ARID2: variants seen among roughly 807,000 people sequenced by gnomAD.
ARID2 encodes AT-rich interactive domain-containing protein 2.
Under a neutral mutation model 184.6 loss-of-function variants are expected in ARID2, and 32 were observed. The ratio of observed to expected loss-of-function variants is 0.17; its 90% confidence interval spans 0.13 to 0.23. The LOEUF (loss-of-function observed/expected upper bound fraction) is 0.23, where lower values mean the gene tolerates loss of function less well. Ranked by LOEUF, ARID2 falls within the 10% of genes least tolerant of loss-of-function variation. The probability of loss-of-function intolerance (pLI) is 1.00; values close to 1 mark genes in which losing one functional copy is unlikely to be tolerated. For synonymous variants in ARID2, 836 were observed against 772.6 expected (o/e 1.08, Z -1.36); for missense variants, 1,696 against 2,197.6 (o/e 0.77, Z 4.56).
In ARID2 at chr12:45,893,514, T is replaced by C. The variant is rs1944330807; in HGVS notation, c.5242T>C (p.Ser1748Pro). 6.2e-7 allele frequency: 1 copy of C among 1,613,842 alleles called. No homozygotes were observed. The highest frequency in any genetic ancestry group is 8.5e-7 in the Non-Finnish European group (1 of 1,179,852). Residue 1748 changes from serine to proline, a missense_variant, in exon 19 of 21, where the codon TCA becomes CCA. By Grantham distance (74) the Ser-to-Pro change is moderately conservative. Coordinates refer to ENST00000334344, the MANE Select transcript of ARID2 (RefSeq NM_152641.4). Reference protein sequence around the residue: ...SAALMALRRGSRNLVFRDFTD... With the variant: ...SAALMALRRGPRNLVFRDFTD... ...TGCACTTATGGCTCTGAGGAGAGGA[T>C]CAAGAAACCTTGTCTTTCGAGATTT...
chr12:45,805,776 A>G (rs1433912030), intron 3 of ARID2, among the ~76,000 whole-genome samples: 1 of 152,136 alleles, frequency 6.6e-6, no homozygotes, highest in Non-Finnish European at 1.5e-5. Context: ...TTGTGGTGAG[A>G]ACATCTAAGC....
At position 45,893,727 on chromosome 12, in the gene ARID2, T is replaced by C; in HGVS notation, c.5363+6T>C. Reference sequence around the variant, plus strand: ...TATTCAGAATGTGGTCGCAGGTGAGTAATATGTTTTCTGTAGCCAAAGTGA... The same window carrying C: ...TATTCAGAATGTGGTCGCAGGTGAGCAATATGTTTTCTGTAGCCAAAGTGA... On this transcript the variant is annotated splice_donor_region_variant and intron_variant, in intron 20 of 20. Coordinates refer to ENST00000334344, the MANE Select transcript of ARID2 (RefSeq NM_152641.4). 1 of 1,559,496 alleles carries C rather than the reference T, an allele frequency of 6.4e-7. No homozygotes were observed. The highest frequency in any genetic ancestry group is 2.3e-5 in the East Asian group (1 of 43,968).
intron 3 of ARID2, among the ~76,000 whole-genome samples, chr12:45,754,333 A>G (rs116881014): frequency 0.021 from 3,267 of 152,316 alleles, 52 homozygotes; most frequent in Non-Finnish European, 0.036. Flanking sequence ...TCCATTCTTA[A>G]TCTCCTTGCC....
chr12:45,880,615 GC>G (rs1394140510), intron 16 of ARID2, among the ~76,000 whole-genome samples: 1 of 152,160 alleles, frequency 6.6e-6, no homozygotes, highest in Non-Finnish European at 1.5e-5. Flanking sequence ...GATAATAATA[GC>G]ACTCATTTTA....
At chr12:45,821,863 A>G (rs1310013390) in intron 6 of ARID2, among the ~76,000 whole-genome samples, 1 of 152,170 alleles carries the variant, frequency 6.6e-6, no homozygotes, top group Non-Finnish European at 1.5e-5. Context: ...CCTCAAAAAG[A>G]ATAGGTGTAA....
chr12:45,893,881 T>A, intron 20 of ARID2, 160 bp downstream of exon 20: 1 of 523,592 alleles, frequency 1.9e-6, no homozygotes, highest in Non-Finnish European at 3.1e-6. Context: ...GATGAGCTCT[T>A]AAAAGTCAAA....
chr12:45,821,082 G>A (rs1942885906), intron 5 of ARID2, among the ~76,000 whole-genome samples: 1 of 152,014 alleles, frequency 6.6e-6, no homozygotes, highest in Non-Finnish European at 1.5e-5. Flanking sequence ...AAATTTAATA[G>A]CAATAACCTC....
At chr12:45,764,652 C>T (rs1161629639) in intron 3 of ARID2, among the ~76,000 whole-genome samples, 4 of 152,170 alleles carry the variant, frequency 2.6e-5, no homozygotes, top group Non-Finnish European at 4.4e-5. Context: ...TTTCTTAGTA[C>T]AGTACATCTG....
intron 3 of ARID2, among the ~76,000 whole-genome samples, chr12:45,795,302 G>A (rs1484622799): frequency 1.3e-5 from 2 of 152,040 alleles, no homozygotes; most frequent in African/African-American, 4.8e-5. Context: ...GTTCTCATGA[G>A]GTTGCTACTT....
chr12:45,792,284 A>G (rs1246624260), intron 3 of ARID2, among the ~76,000 whole-genome samples: 6 of 152,160 alleles, frequency 3.9e-5, no homozygotes, highest in South Asian at 2.1e-4. Flanking sequence ...TTTCTACAGT[A>G]TTAGGATTAT....
intron 6 of ARID2, among the ~76,000 whole-genome samples, chr12:45,832,604 G>C (rs1308742282): frequency 6.6e-6 from 1 of 152,058 alleles, no homozygotes; most frequent in Non-Finnish European, 1.5e-5. Context: ...AGCCTCCCAA[G>C]TAGCTGGGAC....
intron 3 of ARID2, among the ~76,000 whole-genome samples, chr12:45,765,109 G>A (rs1941746893): frequency 6.6e-6 from 1 of 152,068 alleles, no homozygotes; most frequent in Non-Finnish European, 1.5e-5. Flanking sequence ...TAATGAATGT[G>A]AACATTTTTA....
intron 16 of ARID2, among the ~76,000 whole-genome samples, chr12:45,867,099 T>C (rs1943843035): frequency 6.6e-6 from 1 of 151,922 alleles, no homozygotes; most frequent in African/African-American, 2.4e-5. Context: ...TACAGGTGCG[T>C]GCCACCATGC....
chr12:45,737,829 T>G (rs925323817), intron 3 of ARID2, among the ~76,000 whole-genome samples: 1 of 152,050 alleles, frequency 6.6e-6, no homozygotes, highest in African/African-American at 2.4e-5. Context: ...CCAGGTGACA[T>G]CTGGTCTAGG....
intron 3 of ARID2, among the ~76,000 whole-genome samples, chr12:45,744,218 G>A (rs1462785343): frequency 6.6e-6 from 1 of 152,066 alleles, no homozygotes; most frequent in African/African-American, 2.4e-5. Context: ...TCCTCATTAA[G>A]ATACTGCCTG....
intron 4 of ARID2, 46 bp from the exon 5 acceptor site, chr12:45,817,624 G>C (rs1211872273): frequency 3.7e-6 from 5 of 1,341,512 alleles, no homozygotes; most frequent in Non-Finnish European, 5.2e-6. Context: ...TCACCATAAA[G>C]GTATCTGATC....
At chr12:45,865,680 T>C (rs988343565) in intron 16 of ARID2, among the ~76,000 whole-genome samples, 18 of 152,268 alleles carry the variant, frequency 1.2e-4, no homozygotes, top group African/African-American at 4.3e-4. Context: ...ATTTTGGTAT[T>C]TTTCCCTGTG....
intron 4 of ARID2, among the ~76,000 whole-genome samples, chr12:45,813,991 GATT>G (rs994345881): frequency 7.9e-5 from 12 of 151,820 alleles, no homozygotes; most frequent in African/African-American, 2.7e-4. Flanking sequence ...TTATTAGGTG[GATT>G]ATTATTATTA....
intron 12 of ARID2, 110 bp downstream of exon 12, chr12:45,847,047 A>G: frequency 1.1e-6 from 1 of 886,596 alleles, no homozygotes; most frequent in South Asian, 1.8e-5. Flanking sequence ...ATTCCTTTTT[A>G]GTTAGAGTAG....
Sources: gnomAD v4.1 joint callset for allele counts (sites outside exome capture counted in the v4.1 genomes callset) on GRCh38, gnomAD v4.1.1 for gene constraint, MANE v1.5 for transcripts, NCBI Gene and HGNC (gene_info 2026-07-23, HGNC 2026-07-21) for gene names.